CAMK2A: variants seen among roughly 807,000 people sequenced by gnomAD.
CAMK2A encodes calcium/calmodulin-dependent protein kinase type II subunit alpha.
In CAMK2A, 7 loss-of-function variants were observed where a neutral mutation model predicts 79.2. The ratio of observed to expected loss-of-function variants is 0.09; its 90% CI spans 0.05 to 0.17. The LOEUF (loss-of-function observed/expected upper bound fraction) is 0.17. Ranked by LOEUF, CAMK2A falls within the 10% of genes least tolerant of loss-of-function variation. The pLI is 1.00. For synonymous variants in CAMK2A, 242 were observed against 251.7 expected, an observed-to-expected ratio of 0.96 and a Z score of 0.36; for missense variants, 214 against 646.4, an observed-to-expected ratio of 0.33 and a Z score of 7.25.
rs1754451899 is a variant in CAMK2A at position 150,223,520 on chromosome 5, A to G, written c.1238-303T>C. ...ACATGGAATAAGCCTAGAGGATCAT[A>G]GAACCAGAAGAGCTGTGAGCACAGT... is the stretch of plus-strand genomic sequence containing the variant. On this transcript the variant is annotated intron_variant, in intron 17 of 18. Coordinates refer to ENST00000671881, the MANE Select transcript of CAMK2A (RefSeq NM_015981.4). The surrounding 1 kb of genome is among the most constrained non-coding windows in gnomAD (Gnocchi z 4.1). Among the ~76,000 whole-genome samples, 1 of 152,218 alleles carries G rather than the reference A, an allele frequency of 6.6e-6. No individual in the cohort carries two copies. Among genetic ancestry groups the G allele is most frequent in the Non-Finnish European group, 1.5e-5 (1 of 68,032 alleles).
At chr5:150,287,478 T>C (rs1214552324) in intron 1 of CAMK2A, among the ~76,000 whole-genome samples, 1 of 152,160 alleles carries the variant, frequency 6.6e-6, no homozygotes, top group African/African-American at 2.4e-5. Flanking sequence ...ACACCAGGGC[T>C]CCCTTGCCCC....
At position 150,267,788 on chromosome 5, in the gene CAMK2A, T is replaced by C. The variant is rs531612690; in HGVS notation, c.158-2773A>G. Among the ~76,000 whole-genome samples the C allele has an allele frequency of 2.0e-4, 30 of 151,676 alleles. 2 individuals carry two copies. Among genetic ancestry groups the C allele is most frequent in the African/African-American group, 7.3e-4 (30 of 41,316 alleles). On this transcript the variant is annotated intron_variant, in intron 2 of 18. Coordinates refer to ENST00000671881, the MANE Select transcript of CAMK2A (RefSeq NM_015981.4). ...CAAAGGAAGAGTCCCTTTATCAAAA[T>C]CACTCACCAAAATCACTCTGAAAAC...
intron 15 of CAMK2A, among the ~76,000 whole-genome samples, chr5:150,234,832 C>T (rs568227708): frequency 1.3e-5 from 2 of 152,290 alleles, no homozygotes; most frequent in East Asian, 3.9e-4. Flanking sequence ...ATTTTCACTT[C>T]CTTCTCCTTT....
At chr5:150,227,073 T>C (rs1247472328) in intron 17 of CAMK2A, among the ~76,000 whole-genome samples, 2 of 152,104 alleles carry the variant, frequency 1.3e-5, no homozygotes, top group African/African-American at 2.4e-5. Flanking sequence ...CGCCCGGCTA[T>C]AGATTTATTT....
intron 11 of CAMK2A, among the ~76,000 whole-genome samples, chr5:150,249,201 T>C (rs1327759712): frequency 6.6e-6 from 1 of 152,228 alleles, no homozygotes; most frequent in Non-Finnish European, 1.5e-5. Flanking sequence ...TGACGGCTCC[T>C]CTGTTCCACT....
rs1754835292 is a variant in CAMK2A, at chr5:150,231,413, TA to T, written c.1067-34del. On this transcript the variant is annotated intron_variant, in intron 15 of 18. Transcript: ENST00000671881. ...GCAGAAGGGGACACAGAAATAATAA[TA>T]ATAATAATAATAATAATAATAATAA... is the stretch of plus-strand genomic sequence containing the variant. The T allele has an allele frequency of 9.8e-6, 5 of 511,958 alleles. 1 individual carries two copies. The highest frequency in any genetic ancestry group is 1.4e-5 in the Non-Finnish European group (5 of 344,898). The allele number at this position is 511,958 out of a possible 1,614,324, so 31.7% of individuals were successfully genotyped here.
In CAMK2A at chr5:150,256,821, C is replaced by T; in HGVS notation, c.283G>A (p.Gly95Arg). The part of the protein sequence containing the change: ...HYLIFDLVTG[G>R]ELFEDIVARE... The stretch of plus-strand genomic sequence containing the variant: ...GCCACGATATCTTCAAACAGTTCCC[C>T]ACCAGTGACCCTGGGGAGACAGGCA... The change falls in exon 5 of 19, where the codon GGG becomes AGG. Residue 95 changes from glycine to arginine, a missense_variant. Coordinates refer to ENST00000671881, the MANE Select transcript of CAMK2A (RefSeq NM_015981.4). The surrounding 1 kb of genome is among the most constrained non-coding windows in gnomAD (Gnocchi z 4.6). 6.2e-7 allele frequency: 1 copy of T among 1,614,006 alleles called. No individual in the cohort carries two copies. The highest frequency in any genetic ancestry group is 8.5e-7 in the Non-Finnish European group (1 of 1,179,880).
chr5:150,261,659 A>G (rs1369316932), intron 3 of CAMK2A, among the ~76,000 whole-genome samples: 1 of 152,186 alleles, frequency 6.6e-6, no homozygotes, highest in East Asian at 1.9e-4. Context: ...TCCCCCTGAC[A>G]CCATATATGT....
At chr5:150,252,322 G>C (rs995824244) in intron 7 of CAMK2A, among the ~76,000 whole-genome samples, 1 of 152,166 alleles carries the variant, frequency 6.6e-6, no homozygotes, top group Non-Finnish European at 1.5e-5. Flanking sequence ...TTCAGAGCCA[G>C]TGGTAATCAG....
chr5:150,283,587 C>T (rs986907178), intron 1 of CAMK2A, among the ~76,000 whole-genome samples: 3 of 152,176 alleles, frequency 2.0e-5, no homozygotes, highest in Non-Finnish European at 4.4e-5. Flanking sequence ...AATGTCACCG[C>T]CTCAGGGAAC....
At chr5:150,246,571 C>T (rs1024767614) in intron 12 of CAMK2A, among the ~76,000 whole-genome samples, 1 of 152,210 alleles carries the variant, frequency 6.6e-6, no homozygotes, top group Non-Finnish European at 1.5e-5. Flanking sequence ...GAGATTCAAT[C>T]CAGCTCACAG....
intron 1 of CAMK2A, among the ~76,000 whole-genome samples, chr5:150,273,508 G>A (rs1314879916): frequency 3.9e-5 from 6 of 152,176 alleles, no homozygotes; most frequent in East Asian, 1.9e-4. Flanking sequence ...GTAGGTAAAC[G>A]TGGATATGGT....
At chr5:150,246,688 G>A (rs1755581886) in intron 12 of CAMK2A, among the ~76,000 whole-genome samples, 1 of 152,188 alleles carries the variant, frequency 6.6e-6, no homozygotes, top group Non-Finnish European at 1.5e-5. Flanking sequence ...GGAATGGCAG[G>A]ATCCTTGTCC....
chr5:150,246,169 C>T (rs374036112), intron 12 of CAMK2A, among the ~76,000 whole-genome samples: 25 of 152,326 alleles, frequency 1.6e-4, no homozygotes, highest in South Asian at 6.2e-4. Flanking sequence ...GCATGGGGCT[C>T]ATGGCAGGTC....
intron 1 of CAMK2A, among the ~76,000 whole-genome samples, chr5:150,283,342 C>T (rs986939962): frequency 6.6e-6 from 1 of 152,178 alleles, no homozygotes; most frequent in Admixed American, 6.5e-5. Context: ...ACCCTCTTCC[C>T]TCTGGTTAAC....
At chr5:150,245,554 G>A (rs550846366) in intron 12 of CAMK2A, among the ~76,000 whole-genome samples, 19 of 152,184 alleles carry the variant, frequency 1.2e-4, no homozygotes, top group Admixed American at 8.5e-4. Context: ...TGGCCAACCC[G>A]AGGTCTGGCT....
chr5:150,285,481 C>A lies in CAMK2A; in HGVS notation c.62+4083G>T, dbSNP rs1258004558. ...GCCTGGGAAAGGCAGGATTGCTAAG[C>A]ACATTCTACAGATGTTAGAGTTTGG... On this transcript the variant is annotated intron_variant, in intron 1 of 18. Transcript: ENST00000671881. Among the ~76,000 whole-genome samples the A allele has an allele frequency of 2.6e-5, 4 of 152,290 alleles. No homozygotes were observed. In the East Asian group the frequency reaches 5.8e-4, roughly 22 times the overall value.
At chr5:150,264,931 G>A (rs1287697146) in intron 3 of CAMK2A, 25 bp downstream of exon 3, 10 of 1,604,794 alleles carry the variant, frequency 6.2e-6, no homozygotes, top group East Asian at 4.5e-5. Context: ...GCTCCCCTGC[G>A]CCCCTCTCAT....
chr5:150,277,661 G>C (rs1487250025), intron 1 of CAMK2A, among the ~76,000 whole-genome samples: 1 of 152,218 alleles, frequency 6.6e-6, no homozygotes, highest in South Asian at 2.1e-4. Flanking sequence ...CCCAATGTAA[G>C]CAAGTGCATT....
Sources: gnomAD v4.1 joint callset for allele counts (sites outside exome capture counted in the v4.1 genomes callset) on GRCh38, gnomAD v4.1.1 for gene constraint, Gnocchi (gnomAD v3.1) non-coding constraint, MANE v1.5 for transcripts, NCBI Gene and HGNC (gene_info 2026-07-23, HGNC 2026-07-21) for gene names.